Variants in RRM2 observed in about 807,000 individuals in gnomAD.
The protein encoded by RRM2 is ribonucleotide reductase regulatory subunit M2.
In RRM2, 6 loss-of-function variants were observed where a neutral mutation model predicts 45.9. The ratio of observed to expected loss-of-function variants is 0.13; its 90% CI spans 0.07 to 0.26. The LOEUF (loss-of-function observed/expected upper bound fraction) is 0.26. Among genes scored for constraint, RRM2 ranks in the 10% least tolerant of loss-of-function variants. The pLI, the probability that RRM2 is intolerant of heterozygous loss-of-function variation, is 1.00. For synonymous variants in RRM2, 177 were observed against 173.0 expected (o/e 1.02, Z -0.18); for missense variants, 343 against 489.5 (o/e 0.70, Z 2.82).
chr2:10,123,206 C>A, intron 2 of RRM2, 149 bp downstream of exon 2: 2 of 1,273,678 alleles, frequency 1.6e-6, no homozygotes, highest in Non-Finnish European at 2.1e-6. Context: ...CCGCGCCCCT[C>A]GGCCCATTTC....
At chr2:10,149,300 G>T (rs1186358557) in intron 3 of RRM2, among the ~76,000 whole-genome samples, 1 of 151,812 alleles carries the variant, frequency 6.6e-6, no homozygotes, top group Non-Finnish European at 1.5e-5. Context: ...GGCTAATTTT[G>T]GTATTTTTAG....
rs1483990512 is a variant in RRM2 at position 10,122,745 on chromosome 2, C to G, written c.-54C>G. On this transcript the variant is annotated 5_prime_UTR_variant, in exon 1 of 10. Transcript: ENST00000304567. ...CTGGAGTGAGGGGTCGCCCGTGCAC[C>G]CTGTCCCAGCCGTCCTGTCCTGGCT... 3 of 1,555,110 alleles carry G rather than the reference C, an allele frequency of 1.9e-6. No homozygotes were observed. The highest frequency in any genetic ancestry group is 2.6e-6 in the Non-Finnish European group (3 of 1,149,342).
chr2:10,210,434 C>G, exon 4 of RRM2: 4 of 1,367,854 alleles, frequency 2.9e-6, no homozygotes, highest in Non-Finnish European at 3.9e-6. Flanking sequence ...ACAGGGACAC[C>G]CCTGGAGCGA....
intron 3 of RRM2, among the ~76,000 whole-genome samples, chr2:10,202,141 C>T (rs1664580011): frequency 6.6e-6 from 1 of 152,130 alleles, no homozygotes; most frequent in Non-Finnish European, 1.5e-5. Context: ...AATATGTTTA[C>T]ACACAGAACT....
At chr2:10,168,000 C>T (rs1206644059) in intron 3 of RRM2, among the ~76,000 whole-genome samples, 1 of 149,910 alleles carries the variant, frequency 6.7e-6, no homozygotes, top group African/African-American at 2.4e-5. Flanking sequence ...ATTTAACAGT[C>T]AACAGATCAA....
At chr2:10,180,914 G>A (rs1299143783) in intron 3 of RRM2, among the ~76,000 whole-genome samples, 2 of 152,150 alleles carry the variant, frequency 1.3e-5, no homozygotes, top group African/African-American at 2.4e-5. Context: ...CTGCAGGCAC[G>A]CACCACCATG....
intron 3 of RRM2, among the ~76,000 whole-genome samples, chr2:10,152,828 A>C (rs904350185): frequency 2.6e-5 from 4 of 151,526 alleles, no homozygotes; most frequent in Admixed American, 6.6e-5. Flanking sequence ...TGAAAAGGGA[A>C]CTCTTGGACA....
chr2:10,168,040 T>G (rs1011027687), intron 3 of RRM2, among the ~76,000 whole-genome samples: 3 of 151,270 alleles, frequency 2.0e-5, no homozygotes, highest in Non-Finnish European at 3.0e-5. Flanking sequence ...TTTTCTGTTT[T>G]TTTTTTTTTT....
intron 3 of RRM2, among the ~76,000 whole-genome samples, chr2:10,199,609 G>A (rs1438445672): frequency 7.3e-5 from 11 of 151,542 alleles, no homozygotes; most frequent in Admixed American, 5.9e-4. Flanking sequence ...GTGAAACCCC[G>A]TCTCTACTAA....
intron 5 of RRM2, among the ~76,000 whole-genome samples, chr2:10,126,012 A>G (rs1254367350): frequency 1.3e-5 from 2 of 151,960 alleles, no homozygotes; most frequent in African/African-American, 4.8e-5. Context: ...AATGAACGAC[A>G]GCTGGGCATG....
chr2:10,132,064 TG>T (rs1208508851), downstream of RRM2, among the ~76,000 whole-genome samples: 5 of 152,340 alleles, frequency 3.3e-5, no homozygotes, highest in African/African-American at 1.2e-4. Flanking sequence ...GATTGGTCCC[TG>T]TGTCTATAAA....
intron 3 of RRM2, among the ~76,000 whole-genome samples, chr2:10,177,708 TCTC>T (rs1663951630): frequency 4.1e-5 from 6 of 144,606 alleles, no homozygotes; most frequent in African/African-American, 1.1e-4. Context: ...CCTTCCTTCC[TCTC>T]TCCCTCCCTC....
intron 3 of RRM2, among the ~76,000 whole-genome samples, chr2:10,157,874 G>A (rs550638457): frequency 1.2e-4 from 19 of 152,312 alleles, no homozygotes; most frequent in East Asian, 1.9e-4. Context: ...ATTTTAGTGA[G>A]AACCTTCCAT....
intron 3 of RRM2, among the ~76,000 whole-genome samples, chr2:10,165,637 T>TTCA (rs1163923722): frequency 6.6e-6 from 1 of 152,186 alleles, no homozygotes; most frequent in Non-Finnish European, 1.5e-5. Flanking sequence ...CCCACAGGCA[T>TTCA]TCATCATCAT....
rs983601406 is a variant in RRM2 at position 10,185,271 on chromosome 2, G to T, written n.483-25040G>T. ...AGAGAGCGTGAAAGCGAGACAGAGC[G>T]TGAGAGTGAGAGAGAGAGAGAGAGG... On this transcript the variant is annotated intron_variant and non_coding_transcript_variant, in intron 3 of 3. Transcript: ENST00000381786. This position sits in a 1 kb window ranked among gnomAD's most constrained non-coding sequence, Gnocchi z 4.3. 2.2e-5 allele frequency among the ~76,000 whole-genome samples: 3 copies of T among 138,932 alleles called. No homozygotes were observed. The highest frequency in any genetic ancestry group is 5.0e-5 in the Non-Finnish European group (3 of 59,452). 91.1% of individuals were successfully genotyped at this position (138,932 alleles called of 152,430 possible).
At chr2:10,159,631 C>T (rs1572508355) in intron 3 of RRM2, among the ~76,000 whole-genome samples, 4 of 152,202 alleles carry the variant, frequency 2.6e-5, no homozygotes, top group South Asian at 4.1e-4. Context: ...GAGGTTTAGG[C>T]GTCACTGGGT....
At chr2:10,198,011 C>T (rs550977444) in intron 3 of RRM2, among the ~76,000 whole-genome samples, 8 of 152,296 alleles carry the variant, frequency 5.3e-5, no homozygotes, top group South Asian at 2.1e-4. Context: ...TAAGCACGTC[C>T]GCTCTGTCGT....
intron 3 of RRM2, among the ~76,000 whole-genome samples, chr2:10,154,209 C>T (rs975862624): frequency 3.3e-5 from 5 of 152,172 alleles, no homozygotes; most frequent in African/African-American, 1.2e-4. Flanking sequence ...CGTGGTGGCT[C>T]ACGCCTGTAA....
chr2:10,191,215 C>T (rs1210849443), intron 3 of RRM2, among the ~76,000 whole-genome samples: 1 of 152,206 alleles, frequency 6.6e-6, no homozygotes, highest in African/African-American at 2.4e-5. Flanking sequence ...GCCTATCAGC[C>T]CCTAGGGGTT....
Sources: gnomAD v4.1 joint callset for allele counts (sites outside exome capture counted in the v4.1 genomes callset) on GRCh38, gnomAD v4.1.1 for gene constraint, Gnocchi (gnomAD v3.1) non-coding constraint, MANE v1.5 for transcripts, NCBI Gene and HGNC (gene_info 2026-07-23, HGNC 2026-07-21) for gene names.